The following EPHA3 variants were observed in gnomAD, a reference collection of about 807,000 sequenced individuals.
The protein encoded by EPHA3 is EPH receptor A3.
EPHA3 carries 42 observed loss-of-function variants against 107.1 expected under a neutral mutation model. That is an observed-to-expected ratio of 0.39 (90% CI 0.31 to 0.51). The LOEUF is 0.51. Among genes scored for constraint, EPHA3 ranks in the 20% least tolerant of loss-of-function variants. The pLI is 0.78. For missense variants in EPHA3, 1,183 were observed against 1,211.2 expected (o/e 0.98, Z 0.35); for synonymous variants, 461 against 424.8 (o/e 1.09, Z -1.05).
chr3:89,257,279 G>A (rs1389641622), intron 3 of EPHA3, among the ~76,000 whole-genome samples: 1 of 152,068 alleles, frequency 6.6e-6, no homozygotes, highest in African/African-American at 2.4e-5. Flanking sequence ...CCTTGATAAC[G>A]TTAAAAAATC....
chr3:89,113,049 C>G (rs912303082), intron 1 of EPHA3, among the ~76,000 whole-genome samples: 1 of 151,938 alleles, frequency 6.6e-6, no homozygotes, highest in Non-Finnish European at 1.5e-5. Context: ...TTTATCATCA[C>G]GGAAGGTCAA....
intron 3 of EPHA3, among the ~76,000 whole-genome samples, chr3:89,311,624 T>G (rs751671365): frequency 6.6e-6 from 1 of 152,006 alleles, no homozygotes; most frequent in Non-Finnish European, 1.5e-5. Flanking sequence ...ACCCAATGGA[T>G]TTAGAAGATT....
intron 11 of EPHA3, among the ~76,000 whole-genome samples, chr3:89,428,458 A>G (rs1709499914): frequency 6.6e-6 from 1 of 152,146 alleles, no homozygotes; most frequent in Non-Finnish European, 1.5e-5. Context: ...CAAACTGGTT[A>G]TTACAAGTTA....
At chr3:89,157,777 C>G (rs964607262) in intron 2 of EPHA3, among the ~76,000 whole-genome samples, 4 of 149,874 alleles carry the variant, frequency 2.7e-5, no homozygotes, top group African/African-American at 9.9e-5. Flanking sequence ...TAAAAGAGAA[C>G]AAATCATCCT....
At chr3:89,381,193 C>G (rs186465094) in intron 5 of EPHA3, among the ~76,000 whole-genome samples, 1 of 151,326 alleles carries the variant, frequency 6.6e-6, no homozygotes, top group Admixed American at 6.6e-5. Flanking sequence ...AGGATGATCT[C>G]GATCTCCTGA....
At chr3:89,133,322 C>T (rs1486342724) in intron 2 of EPHA3, among the ~76,000 whole-genome samples, 2 of 152,212 alleles carry the variant, frequency 1.3e-5, no homozygotes, top group Admixed American at 6.5e-5. Context: ...TACAATCTTG[C>T]TGCAAAAGGA....
At chr3:89,312,379 G>A (rs770210436) in intron 3 of EPHA3, among the ~76,000 whole-genome samples, 12 of 138,386 alleles carry the variant, frequency 8.7e-5, no homozygotes, top group Non-Finnish European at 1.3e-4. Context: ...TTTTTTTTTT[G>A]TAGATTTATT....
intron 3 of EPHA3, among the ~76,000 whole-genome samples, chr3:89,226,514 A>G (rs1479919319): frequency 2.0e-5 from 3 of 152,188 alleles, no homozygotes; most frequent in Non-Finnish European, 1.5e-5. Context: ...ATAAAATTTC[A>G]CTAAACAGTG....
intron 2 of EPHA3, among the ~76,000 whole-genome samples, chr3:89,206,906 A>G (rs754787425): frequency 4.6e-5 from 7 of 152,140 alleles, no homozygotes; most frequent in Non-Finnish European, 8.8e-5. Flanking sequence ...GAGATCTTCT[A>G]AAATAGTCTC....
At chr3:89,296,470 G>GACAAATGAGAAAA (rs1258678491) in intron 3 of EPHA3, among the ~76,000 whole-genome samples, 1 of 152,132 alleles carries the variant, frequency 6.6e-6, no homozygotes, top group Admixed American at 6.6e-5. Flanking sequence ...GTAATATTCT[G>GACAAATGAGAAAA]AAAGAAATCT....
chr3:89,150,972 G>A (rs1209611742), intron 2 of EPHA3, among the ~76,000 whole-genome samples: 1 of 151,924 alleles, frequency 6.6e-6, no homozygotes, highest in Admixed American at 6.6e-5. Flanking sequence ...GTGAGAACCT[G>A]TCTATAAAAA....
chr3:89,164,230 A>G (rs1237146507), intron 2 of EPHA3, among the ~76,000 whole-genome samples: 1 of 152,194 alleles, frequency 6.6e-6, no homozygotes, highest in Non-Finnish European at 1.5e-5. Context: ...TGCGCCACAT[A>G]TAAAATACAC....
Position 89,279,417 on chromosome 3 carries a change from A to G in EPHA3, c.815-61499A>G, listed in dbSNP as rs1266040394. ...ATATTCATAATAACTTATGTTTGCC[A>G]TCATTAATTAATTTTAAATTTTTGG... On this transcript the variant is annotated intron_variant, in intron 3 of 16. Transcript: ENST00000336596. 5.9e-5 allele frequency among the ~76,000 whole-genome samples: 9 copies of G among 152,292 alleles called. No homozygotes were observed. In the South Asian group the frequency reaches 1.9e-3, roughly 32 times the overall value.
chr3:89,409,470 T>G (rs1177678538), intron 9 of EPHA3, among the ~76,000 whole-genome samples: 1 of 152,034 alleles, frequency 6.6e-6, no homozygotes, highest in Non-Finnish European at 1.5e-5. Context: ...AGCCTACATC[T>G]TACGAATTTT....
chr3:89,396,273 T>G (rs2107504625), intron 6 of EPHA3, among the ~76,000 whole-genome samples: 1 of 152,324 alleles, frequency 6.6e-6, no homozygotes, highest in South Asian at 2.1e-4. Flanking sequence ...TTTATTGTGG[T>G]TTCTTAGTCT....
At chr3:89,132,726 A>G (rs1370519083) in intron 2 of EPHA3, among the ~76,000 whole-genome samples, 4 of 152,016 alleles carry the variant, frequency 2.6e-5, no homozygotes, top group African/African-American at 7.2e-5. Context: ...CAATCAATCA[A>G]TCGATCAATA....
At chr3:89,134,638 T>C (rs1375275389) in intron 2 of EPHA3, among the ~76,000 whole-genome samples, 1 of 152,188 alleles carries the variant, frequency 6.6e-6, no homozygotes, top group Non-Finnish European at 1.5e-5. Flanking sequence ...TTGGGTTGGT[T>C]CCAAGTCTTT....
At chr3:89,381,052 A>G (rs1216954091) in intron 5 of EPHA3, among the ~76,000 whole-genome samples, 5 of 151,916 alleles carry the variant, frequency 3.3e-5, no homozygotes, top group Non-Finnish European at 7.4e-5. Context: ...GGCTCACTGC[A>G]AGCTCCACCT....
chr3:89,451,225 C>T (rs1045225309), intron 15 of EPHA3, among the ~76,000 whole-genome samples: 5 of 151,964 alleles, frequency 3.3e-5, no homozygotes, highest in Non-Finnish European at 7.4e-5. Context: ...TATGCATATT[C>T]TTTTAGGTTA....
Sources: allele counts gnomAD v4.1 joint callset (sites outside exome capture counted in the v4.1 genomes callset), GRCh38; gene constraint gnomAD v4.1.1; transcripts MANE v1.5; gene names NCBI Gene and HGNC (gene_info 2026-07-23, HGNC 2026-07-21).